TPST2: variants seen among roughly 807,000 people sequenced by gnomAD.
TPST2 encodes protein-tyrosine sulfotransferase 2.
Under a neutral mutation model 27.8 loss-of-function variants are expected in TPST2, and 16 were observed. That is an observed-to-expected ratio of 0.58 (90% CI 0.39 to 0.88). The LOEUF is 0.88. TPST2 is among the 40% of genes least tolerant of loss of function. The pLI is 0.00. For missense variants in TPST2, 464 were observed against 543.1 expected, an observed-to-expected ratio of 0.85 and a Z score of 1.45; for synonymous variants, 229 against 231.7, an observed-to-expected ratio of 0.99 and a Z score of 0.10.
chr22:26,527,350 G>C (rs559455354), intron 6 of TPST2, among the ~76,000 whole-genome samples: 45 of 152,254 alleles, frequency 3.0e-4, no homozygotes, highest in Non-Finnish European at 5.9e-4. Context: ...CAGTGCCCAA[G>C]TCCACAGCGA....
chr22:26,574,858 G>T (rs1217108114), intron 1 of TPST2, among the ~76,000 whole-genome samples: 1 of 152,144 alleles, frequency 6.6e-6, no homozygotes, highest in East Asian at 1.9e-4. Flanking sequence ...AACCCAACTA[G>T]AAGGGGTCCA....
chr22:26,584,760 A>C (rs1928273923), intron 1 of TPST2, among the ~76,000 whole-genome samples: 1 of 152,234 alleles, frequency 6.6e-6, no homozygotes, highest in African/African-American at 2.4e-5. Flanking sequence ...GACCTTGTGC[A>C]AATTACTTCA....
rs1924792908 is a variant in TPST2, at chr22:26,525,736, A to G, written c.*539T>C. 2 of 152,550 alleles carry G rather than the reference A, an allele frequency of 1.3e-5. No individual in the cohort carries two copies. The highest frequency in any genetic ancestry group is 4.1e-4 in the South Asian group (2 of 4,836). 9.4% of individuals were successfully genotyped at this position (152,550 alleles called of 1,614,324 possible). A position where few individuals can be genotyped will look rare whatever the true frequency, so the allele number is the denominator to read the frequency against. On this transcript the variant is annotated 3_prime_UTR_variant, in exon 7 of 7. Transcript: ENST00000338754. Reference sequence around the variant, plus strand: ...AAAATCCAGTATGGAAAGAAAAAAAAAACCCTATTCATTCAGTAAAGTAAG... The same window carrying G: ...AAAATCCAGTATGGAAAGAAAAAAAGAACCCTATTCATTCAGTAAAGTAAG...
intron 1 of TPST2, among the ~76,000 whole-genome samples, chr22:26,579,586 C>A (rs752370174): frequency 4.6e-5 from 7 of 152,242 alleles, no homozygotes; most frequent in Non-Finnish European, 1.0e-4. Flanking sequence ...AGGTTTCTGG[C>A]TGAGCCCCCG....
chr22:26,554,039 G>A (rs1479069911), intron 1 of TPST2, among the ~76,000 whole-genome samples: 1 of 152,142 alleles, frequency 6.6e-6, no homozygotes, highest in East Asian at 1.9e-4. Flanking sequence ...AGGCTTGGAG[G>A]GTAGGCACTA....
At chr22:26,581,116 GTC>G (rs2145937928) in intron 1 of TPST2, among the ~76,000 whole-genome samples, 1 of 151,980 alleles carries the variant, frequency 6.6e-6, no homozygotes, top group African/African-American at 2.4e-5. Flanking sequence ...AGGCCACAGA[GTC>G]TCACACCTCC....
At chr22:26,561,174 G>A (rs1262584172) in intron 1 of TPST2, 45 of 1,581,518 alleles carry the variant, frequency 2.8e-5, no homozygotes, top group Admixed American at 3.9e-5. Flanking sequence ...TGGTTCTAGC[G>A]CAGTTTTTTT....
chr22:26,557,582 G>C (rs1926866977), intron 1 of TPST2, among the ~76,000 whole-genome samples: 1 of 152,058 alleles, frequency 6.6e-6, no homozygotes, highest in Admixed American at 6.6e-5. Flanking sequence ...GCCAGGCTTT[G>C]AATGCCAGGT....
chr22:26,543,715 C>T (rs1925978227), intron 2 of TPST2, among the ~76,000 whole-genome samples: 1 of 152,186 alleles, frequency 6.6e-6, no homozygotes, highest in Non-Finnish European at 1.5e-5. Context: ...GCAGCTTGCC[C>T]AAGGTTGCAT....
At chr22:26,544,169 GAAT>G (rs1926001533) in intron 2 of TPST2, among the ~76,000 whole-genome samples, 3 of 152,174 alleles carry the variant, frequency 2.0e-5, no homozygotes, top group Non-Finnish European at 4.4e-5. Context: ...TCCAAAAAAG[GAAT>G]AATAATACCC....
intron 1 of TPST2, among the ~76,000 whole-genome samples, chr22:26,571,813 AC>A (rs1348835649): frequency 6.6e-6 from 1 of 151,664 alleles, no homozygotes; most frequent in East Asian, 1.9e-4. Flanking sequence ...CTCCCCATGA[AC>A]CCCTGATCCA....
chr22:26,526,363 C>A (rs1245144133), intron 6 of TPST2, 96 bp from the exon 7 acceptor site: 1 of 152,176 alleles, frequency 6.6e-6, no homozygotes, highest in African/African-American at 2.4e-5. Flanking sequence ...CTGTCTTCAT[C>A]CATTCGCATA....
At chr22:26,586,223 GCTTT>G (rs933292241) in intron 1 of TPST2, among the ~76,000 whole-genome samples, 30 of 151,970 alleles carry the variant, frequency 2.0e-4, no homozygotes, top group African/African-American at 3.9e-4. Context: ...TCCCTAGGCT[GCTTT>G]CTTTCTTTCT....
At chr22:26,528,083 G>A in intron 6 of TPST2, 131 bp downstream of exon 6, 2 of 978,976 alleles carry the variant, frequency 2.0e-6, no homozygotes. Flanking sequence ...TGATGGGGCT[G>A]GGTCAGCCCA....
At chr22:26,568,385 T>C (rs929074920) in intron 1 of TPST2, among the ~76,000 whole-genome samples, 1 of 152,148 alleles carries the variant, frequency 6.6e-6, no homozygotes, top group African/African-American at 2.4e-5. Flanking sequence ...TGAGACCTGC[T>C]GGGTTGCATT....
intron 3 of TPST2, 66 bp downstream of exon 3, chr22:26,540,723 T>C (rs758043533): frequency 1.4e-5 from 20 of 1,456,262 alleles, no homozygotes; most frequent in South Asian, 5.5e-5. Flanking sequence ...CAGTGCTGAT[T>C]TTCTTGCCTG....
At chr22:26,536,220 A>C in intron 4 of TPST2, 68 bp downstream of exon 4, 1 of 1,557,192 alleles carries the variant, frequency 6.4e-7, no homozygotes, top group Non-Finnish European at 8.8e-7. Context: ...AGGTGGCTGG[A>C]GTTTCCACAT....
chr22:26,569,991 A>AAGAAAG (rs1555934528), intron 1 of TPST2, among the ~76,000 whole-genome samples: 1,209 of 19,852 alleles, frequency 0.061, 54 homozygotes, highest in East Asian at 0.1. Context: ...AAAAGAAAGA[A>AAGAAAG]AAAGAAAGAA....
At chr22:26,568,483 A>AAAACATGAT (rs1927464100) in intron 1 of TPST2, among the ~76,000 whole-genome samples, 1 of 152,236 alleles carries the variant, frequency 6.6e-6, no homozygotes, top group African/African-American at 2.4e-5. Flanking sequence ...CCCCATTAAT[A>AAAACATGAT]AAACATGATG....
Sources: gnomAD v4.1 joint callset for allele counts (sites outside exome capture counted in the v4.1 genomes callset) on GRCh38, gnomAD v4.1.1 for gene constraint, MANE v1.5 for transcripts, NCBI Gene and HGNC (gene_info 2026-07-23, HGNC 2026-07-21) for gene names.